Variants in ZNF157 observed in about 807,000 individuals in gnomAD.
ZNF157 encodes zinc finger protein 157, also known as zinc finger protein 22.
ZNF157 carries 8 observed loss-of-function variants against 9.4 expected under a neutral mutation model. That is an observed-to-expected ratio of 0.85 (90% confidence interval 0.50 to 1.53). ZNF157 has a LOEUF of 1.53. ZNF157 is among the 40% of genes most tolerant of loss of function. The probability of loss-of-function intolerance (pLI) is 0.00; values close to 1 mark genes in which losing one functional copy is unlikely to be tolerated. For missense variants in ZNF157, 316 were observed against 385.2 expected (o/e 0.82, Z 1.50); for synonymous variants, 120 against 130.8 (o/e 0.92, Z 0.56).
chrX:47,389,419 A>G (rs949235370), intron 1 of ZNF157, among the ~76,000 whole-genome samples: 4 of 106,900 alleles, frequency 3.7e-5, no homozygotes, highest in Non-Finnish European at 7.7e-5. Flanking sequence ...GCCTGATCAC[A>G]GCTCACTGCA....
rs890298225 is a variant in ZNF157, at chrX:47,398,800, G to A, written c.73-11476G>A. 7.1e-5 allele frequency among the ~76,000 whole-genome samples: 8 copies of A among 112,061 alleles called. No individual in the cohort carries two copies. The East Asian group carries it at 2.0e-3, about 28-fold the overall frequency. On this transcript the variant is annotated intron_variant, in intron 1 of 3. Transcript: ENST00000377073. ...AGGCCCAAGCGATTCTTCTGCCTCA[G>A]CCTCCCGAGTAGCTGGGATTACAGG...
Position 47,413,310 on chromosome X carries a change from C to T in ZNF157, c.1237C>T (p.Pro413Ser), listed in dbSNP as rs745910200. Reference protein sequence around the residue: ...EHQRMHSGEKPYECSECGKIF... With the variant: ...EHQRMHSGEKSYECSECGKIF... ...TCAGAGGATGCATTCAGGAGAGAAA[C>T]CCTACGAATGTAGTGAATGTGGGAA... The change falls in exon 4 of 4, where the codon CCC becomes TCC. Residue 413 changes from proline to serine, a missense_variant. Physicochemically the swap from Pro to Ser is moderately conservative, Grantham distance 74 (BLOSUM62 -1). This residue lies in a region of ZNF157 where 167 missense variants were observed against 183.6 expected (regional missense o/e 0.91). Coordinates refer to ENST00000377073, the MANE Select transcript of ZNF157 (RefSeq NM_003446.4). The T allele has an allele frequency of 8.3e-7, 1 of 1,211,380 alleles. No individual in the cohort carries two copies. The highest frequency in any genetic ancestry group is 3.0e-5 in the East Asian group (1 of 33,803).
rs529344782 is a variant in ZNF157, at chrX:47,394,851, A to G, written c.73-15425A>G. Among the ~76,000 whole-genome samples, 442 of 109,401 alleles carry G rather than the reference A, an allele frequency of 4.0e-3. 4 individuals carry two copies. The highest frequency in any genetic ancestry group is 0.014 in the African/African-American group (425 of 30,080). The stretch of plus-strand genomic sequence containing the variant: ...CTTTTTTTTGGCAAGATCTCATTCT[A>G]TTGCTCAGGCTGGATGGAGTACAGT... On this transcript the variant is annotated intron_variant, in intron 1 of 3. Transcript: ENST00000377073.
At chrX:47,390,923 A>C (rs1383831629) in intron 1 of ZNF157, 3 of 111,373 alleles carry the variant, frequency 2.7e-5, no homozygotes, top group African/African-American at 9.8e-5. Context: ...CTTTGTTCTT[A>C]CATTCTTTTT....
intron 1 of ZNF157, among the ~76,000 whole-genome samples, chrX:47,395,755 A>G (rs1344648406): frequency 9.0e-6 from 1 of 111,039 alleles, no homozygotes; most frequent in Admixed American, 9.7e-5. Flanking sequence ...ACTTGAGGTC[A>G]GGAGTTTGAG....
At position 47,410,751 on chromosome X, in the gene ZNF157, G is replaced by A. The variant is rs1177714747; in HGVS notation, c.271G>A (p.Glu91Lys). Reference sequence around the variant, plus strand: ...AGAAGAGCTGTGGATATTAGAGGAGGAATCCTCAGGCCATGGTTACTCAGG... The same window carrying A: ...AGAAGAGCTGTGGATATTAGAGGAGAAATCCTCAGGCCATGGTTACTCAGG... Reference protein sequence around the residue: ...RGEELWILEEESSGHGYSGSL... With the variant: ...RGEELWILEEKSSGHGYSGSL... The change falls in exon 3 of 4, where the codon GAA (glutamate) becomes AAA (lysine). Residue 91 changes from glutamate (E) to lysine (K), a missense_variant. Glu to Lys is a moderately conservative substitution (Grantham distance 56, BLOSUM62 1). Coordinates refer to ENST00000377073, the MANE Select transcript of ZNF157 (RefSeq NM_003446.4). The A allele has an allele frequency of 1.7e-6, 2 of 1,205,538 alleles. No individual in the cohort carries two copies. Among genetic ancestry groups the A allele is most frequent in the Middle Eastern group, 2.3e-4 (1 of 4,342 alleles).
intron 1 of ZNF157, among the ~76,000 whole-genome samples, chrX:47,380,455 C>G (rs758515487): frequency 9.0e-6 from 1 of 111,619 alleles, no homozygotes; most frequent in East Asian, 2.8e-4. Flanking sequence ...TGTGCTGTGG[C>G]TTGTCAGCGC....
In ZNF157 at chrX:47,390,184, G is replaced by C. The variant is rs1252928970; in HGVS notation, c.72+19444G>C. ...AGCATTACTAAATAAGGAAGTGCTAGTCAATATCCAGATGACTAGAAATGG... is the reference window on the plus strand; with the variant it reads ...AGCATTACTAAATAAGGAAGTGCTACTCAATATCCAGATGACTAGAAATGG... On this transcript the variant is annotated intron_variant, in intron 1 of 3. Coordinates refer to ENST00000377073, the MANE Select transcript of ZNF157 (RefSeq NM_003446.4). 2.7e-5 allele frequency: 3 copies of C among 111,451 alleles called. No individual in the cohort carries two copies. The East Asian group carries it at 8.4e-4, about 31-fold the overall frequency. 9.2% of individuals were successfully genotyped at this position (111,451 alleles called of 1,213,427 possible). A position where few individuals can be genotyped will look rare whatever the true frequency, so the allele number is the denominator to read the frequency against.
At position 47,410,350 on chromosome X, in the gene ZNF157, G is replaced by A. The variant is rs1162733228; in HGVS notation, c.147G>A (p.Arg49=). 7.4e-6 allele frequency: 9 copies of A among 1,211,597 alleles called. No individual in the cohort carries two copies. The highest frequency in any genetic ancestry group is 6.5e-5 in the Admixed American group (3 of 45,965). The part of the protein sequence containing the change: ...QEWHRLDPAQ[R]TMHKDVMLET... ...GGCACAGACTGGACCCTGCTCAGAG[G>A]ACCATGCACAAGGATGTGATGCTGG... is the stretch of plus-strand genomic sequence containing the variant. The change falls in exon 2 of 4, where the codon AGG becomes AGA. Residue 49 remains arginine (R), a synonymous_variant. Transcript: ENST00000377073.
At chrX:47,391,473 C>T (rs765160112) in intron 1 of ZNF157, 2 of 112,242 alleles carry the variant, frequency 1.8e-5, no homozygotes, top group South Asian at 7.3e-4. Flanking sequence ...CTTTAATGAG[C>T]ATTTCCTTTG....
intron 1 of ZNF157, among the ~76,000 whole-genome samples, chrX:47,409,792 C>T (rs1200671462): frequency 2.9e-5 from 3 of 102,042 alleles, no homozygotes; most frequent in Non-Finnish European, 6.0e-5. Context: ...TACAGATGTG[C>T]ACCACCACAC....
chrX:47,386,542 C>T (rs145333598), intron 1 of ZNF157, among the ~76,000 whole-genome samples: 15 of 111,031 alleles, frequency 1.4e-4, no homozygotes, highest in Middle Eastern at 4.6e-3. Context: ...TTGCTGCAAC[C>T]TTTGCCTCCC....
chrX:47,373,366 A>G (rs753066231), intron 1 of ZNF157, among the ~76,000 whole-genome samples: 2 of 111,227 alleles, frequency 1.8e-5, no homozygotes, highest in Non-Finnish European at 3.8e-5. Flanking sequence ...AATACATTGC[A>G]AGAGAGCAAC....
chrX:47,403,941 G>A (rs56825346), intron 1 of ZNF157, among the ~76,000 whole-genome samples: 3 of 110,939 alleles, frequency 2.7e-5, no homozygotes, highest in East Asian at 5.8e-4. Flanking sequence ...AGGCCGAGGC[G>A]GGCAGATCAC....
intron 1 of ZNF157, among the ~76,000 whole-genome samples, chrX:47,394,969 C>T (rs1210472663): frequency 9.0e-6 from 1 of 111,484 alleles, no homozygotes; most frequent in Non-Finnish European, 1.9e-5. Context: ...CAGGAGCACA[C>T]CACCATGTCC....
Position 47,389,036 on chromosome X carries a change from C to G in ZNF157, c.72+18296C>G, listed in dbSNP as rs188805856. Among the ~76,000 whole-genome samples, 115 of 110,000 alleles carry G rather than the reference C, an allele frequency of 1.0e-3. 1 individual carries two copies. The highest frequency in any genetic ancestry group is 1.6e-3 in the South Asian group (4 of 2,545). On this transcript the variant is annotated intron_variant, in intron 1 of 3. Transcript: ENST00000377073. Reference sequence around the variant, plus strand: ...ATGTTGGCTGGGCTGGTCTCGAACTCCTGACCTCAAGTGATCCATCCGCCC... The same window carrying G: ...ATGTTGGCTGGGCTGGTCTCGAACTGCTGACCTCAAGTGATCCATCCGCCC...
At chrX:47,391,842 G>A (rs564327429) in intron 1 of ZNF157, among the ~76,000 whole-genome samples, 6 of 108,798 alleles carry the variant, frequency 5.5e-5, no homozygotes, top group South Asian at 7.8e-4. Flanking sequence ...GAGCCACTGC[G>A]CCTGGCCAAG....
At position 47,410,291 on chromosome X, in the gene ZNF157, G is replaced by C; in HGVS notation, c.88G>C (p.Glu30Gln). The change falls in exon 2 of 4, where the codon GAG (glutamate) becomes CAG (glutamine). Residue 30 changes from glutamate (E) to glutamine (Q), a missense_variant. Transcript: ENST00000377073. ...GTTATTACAGGGGTCCGTGTCATTCGAGGATGTGGCTGTGGATTTCACCCG... is the reference window on the plus strand; with the variant it reads ...GTTATTACAGGGGTCCGTGTCATTCCAGGATGTGGCTGTGGATTTCACCCG... ...GRSFEGSVSFEDVAVDFTRQE... is the reference protein window; with the variant it reads ...GRSFEGSVSFQDVAVDFTRQE... 1 of 1,211,299 alleles carries C rather than the reference G, an allele frequency of 8.3e-7. No individual in the cohort carries two copies. The highest frequency in any genetic ancestry group is 1.8e-5 in the South Asian group (1 of 56,961).
At chrX:47,375,575 T>C (rs2055842539) in intron 1 of ZNF157, among the ~76,000 whole-genome samples, 1 of 111,725 alleles carries the variant, frequency 9.0e-6, no homozygotes, top group Non-Finnish European at 1.9e-5. Flanking sequence ...ATGACATATA[T>C]CCACCAGTGC....
Sources: gnomAD v4.1 joint callset for allele counts (sites outside exome capture counted in the v4.1 genomes callset) on GRCh38, gnomAD v4.1.1 for gene constraint, gnomAD v4.1.1 regional missense constraint, MANE v1.5 for transcripts, NCBI Gene and HGNC (gene_info 2026-07-23, HGNC 2026-07-21) for gene names.